ATXN2: variants seen among roughly 807,000 people sequenced by gnomAD.
ATXN2 encodes the protein ataxin 2, also known as ataxin-2.
Under a neutral mutation model 138.6 loss-of-function variants are expected in ATXN2, and 37 were observed. That is an observed-to-expected ratio of 0.27 (90% confidence interval 0.21 to 0.35). ATXN2 has a LOEUF of 0.35. ATXN2 is among the 10% of genes least tolerant of loss of function. The pLI, the probability that ATXN2 is intolerant of heterozygous loss-of-function variation, is 1.00. For synonymous variants in ATXN2, 549 were observed against 543.7 expected, an observed-to-expected ratio of 1.01 and a Z score of -0.13; for missense variants, 1,216 against 1,480.3, an observed-to-expected ratio of 0.82 and a Z score of 2.93.
Position 111,552,251 on chromosome 12 carries a change from T to G in ATXN2, c.571+29A>C, listed in dbSNP as rs375448477. ...TTGCTTGAATAAATCTAATAAACCA[T>G]GAGGCATATTTAGGAAATCAAAACC... On this transcript the variant is annotated intron_variant, in intron 5 of 24. Transcript: ENST00000673436. The surrounding 1 kb of genome is among the most constrained non-coding windows in gnomAD (Gnocchi z 4.1). The G allele has an allele frequency of 6.4e-7, 1 of 1,557,946 alleles. No homozygotes were observed. Among genetic ancestry groups the G allele is most frequent in the South Asian group, 1.2e-5 (1 of 82,976 alleles).
chr12:111,520,163 G>C, intron 7 of ATXN2, 87 bp from the exon 8 acceptor site: 2 of 1,488,170 alleles, frequency 1.3e-6, no homozygotes, highest in Non-Finnish European at 1.8e-6. Context: ...AGAAAGTTTA[G>C]AGTTTAGAAT....
intron 11 of ATXN2, chr12:111,512,716 A>G (rs1468418005): frequency 6.6e-6 from 1 of 152,262 alleles, no homozygotes; most frequent in Non-Finnish European, 1.5e-5. Context: ...TCAGCCTCCC[A>G]AAGTGCTGGG....
chr12:111,491,445 C>T (rs1268357116), intron 14 of ATXN2, among the ~76,000 whole-genome samples: 1 of 152,024 alleles, frequency 6.6e-6, no homozygotes. Flanking sequence ...GCTAGGGTGG[C>T]CAAGGGAGTG....
chr12:111,487,718 C>G (rs1266985573), intron 15 of ATXN2, among the ~76,000 whole-genome samples: 1 of 152,066 alleles, frequency 6.6e-6, no homozygotes, highest in African/African-American at 2.4e-5. Context: ...TTGGACCTCC[C>G]AGAGTGCTGG....
chr12:111,556,605 CAG>C (rs1592897595), intron 1 of ATXN2, among the ~76,000 whole-genome samples: 1 of 152,064 alleles, frequency 6.6e-6, no homozygotes, highest in East Asian at 1.9e-4. Flanking sequence ...ATCACAAGGT[CAG>C]GAGTTCGAGA....
intron 5 of ATXN2, among the ~76,000 whole-genome samples, chr12:111,543,044 G>A (rs892743916): frequency 6.6e-6 from 1 of 152,042 alleles, no homozygotes; most frequent in Admixed American, 6.6e-5. Context: ...TGTGTACCAC[G>A]AACTATTCTG....
At chr12:111,536,600 C>A (rs559877661) in intron 5 of ATXN2, among the ~76,000 whole-genome samples, 1 of 151,936 alleles carries the variant, frequency 6.6e-6, no homozygotes, top group South Asian at 2.1e-4. Context: ...ACAGTGAGAC[C>A]CCAACTCTAT....
chr12:111,480,006 GA>G lies in ATXN2; in HGVS notation c.2524+5258del, dbSNP rs1295283663. On this transcript the variant is annotated intron_variant, in intron 18 of 24. Coordinates refer to ENST00000673436, the MANE Select transcript of ATXN2 (RefSeq NM_001372574.1). Reference sequence around the variant, plus strand: ...AAAAAGATTTTTTTACGTAAAAAAAGAAAAAAAAAAACCTAATCAAAAAAAA... The same window carrying G: ...AAAAAGATTTTTTTACGTAAAAAAAGAAAAAAAAAACCTAATCAAAAAAAA... Among the ~76,000 whole-genome samples the G allele has an allele frequency of 2.4e-3, 102 of 41,930 alleles. 1 individual carries two copies. The highest frequency in any genetic ancestry group is 0.021 in the Middle Eastern group (2 of 96). The allele number at this position is 41,930 out of a possible 152,430, so 27.5% of individuals were successfully genotyped here. A position where few individuals can be genotyped will look rare whatever the true frequency, so the allele number is the denominator to read the frequency against.
intron 1 of ATXN2, among the ~76,000 whole-genome samples, chr12:111,568,011 G>A (rs141879541): frequency 9.8e-4 from 149 of 151,644 alleles, no homozygotes; most frequent in Admixed American, 2.8e-3. Flanking sequence ...CTGTAATCCC[G>A]GCACTTTGGG....
intron 20 of ATXN2, among the ~76,000 whole-genome samples, chr12:111,466,237 G>A (rs950275364): frequency 1.3e-5 from 2 of 150,680 alleles, no homozygotes; most frequent in Admixed American, 6.6e-5. Context: ...AGTGGCTCAC[G>A]CCTGTAATCC....
chr12:111,570,439 GTTTAC>G (rs1883255548), intron 1 of ATXN2, among the ~76,000 whole-genome samples: 1 of 152,078 alleles, frequency 6.6e-6, no homozygotes, highest in Admixed American at 6.6e-5. Flanking sequence ...CCTTATTAGC[GTTTAC>G]TTTAAGCTCA....
chr12:111,586,533 A>G (rs1884350746), intron 1 of ATXN2, among the ~76,000 whole-genome samples: 2 of 151,666 alleles, frequency 1.3e-5, no homozygotes, highest in Non-Finnish European at 2.9e-5. Flanking sequence ...CTACAGGCAC[A>G]CATCACCACG....
chr12:111,570,313 G>A (rs1397515907), intron 1 of ATXN2, among the ~76,000 whole-genome samples: 1 of 152,186 alleles, frequency 6.6e-6, no homozygotes. Flanking sequence ...GGAGAGGGGA[G>A]TATAGCTGAA....
chr12:111,487,972 A>T (rs1473464411), intron 15 of ATXN2, among the ~76,000 whole-genome samples: 1 of 152,184 alleles, frequency 6.6e-6, no homozygotes, highest in African/African-American at 2.4e-5. Context: ...GTTAGCCCCT[A>T]AAAGTCCATT....
chr12:111,523,130 T>A (rs930172106), intron 6 of ATXN2, among the ~76,000 whole-genome samples: 22 of 149,320 alleles, frequency 1.5e-4, no homozygotes, highest in Non-Finnish European at 2.8e-4. Flanking sequence ...AACACAAAAA[T>A]TAGCTGGGCA....
At chr12:111,490,717 A>G (rs1003041869) in intron 14 of ATXN2, among the ~76,000 whole-genome samples, 9 of 152,166 alleles carry the variant, frequency 5.9e-5, no homozygotes, top group African/African-American at 1.4e-4. Context: ...ACCAAAAAAG[A>G]TAAGGAAGAT....
chr12:111,592,802 A>AAAAAAAAAAAAAAAAAAAAAT (rs1555245907), intron 1 of ATXN2, among the ~76,000 whole-genome samples: 1 of 147,696 alleles, frequency 6.8e-6, no homozygotes, highest in Non-Finnish European at 1.5e-5. Context: ...AAAAAAAAAA[A>AAAAAAAAAAAAAAAAAAAAAT]AAGATAATAG....
chr12:111,518,166 G>C, intron 9 of ATXN2, 83 bp downstream of exon 9: 1 of 1,239,822 alleles, frequency 8.1e-7, no homozygotes. Context: ...ATTCATATCA[G>C]TTATGTAAAC....
intron 1 of ATXN2, among the ~76,000 whole-genome samples, chr12:111,561,482 A>G (rs576828470): frequency 1.3e-5 from 2 of 152,260 alleles, no homozygotes; most frequent in African/African-American, 4.8e-5. Context: ...CTTGGGCAAC[A>G]AGAGCAAACC....
Sources: gnomAD v4.1 joint callset for allele counts (sites outside exome capture counted in the v4.1 genomes callset) on GRCh38, gnomAD v4.1.1 for gene constraint, Gnocchi (gnomAD v3.1) non-coding constraint, MANE v1.5 for transcripts, NCBI Gene and HGNC (gene_info 2026-07-23, HGNC 2026-07-21) for gene names.